Variants in DACH2 observed in about 807,000 individuals in gnomAD.
DACH2 encodes dachshund family transcription factor 2.
A neutral mutation model predicts 35.8 loss-of-function variants in DACH2; 17 were observed. The observed-to-expected ratio is 0.48, with a 90% CI of 0.33 to 0.71. The LOEUF is 0.71. DACH2 is among the 30% of genes least tolerant of loss of function. The pLI is 0.02. For missense variants in DACH2, 469 were observed against 472.7 expected, an observed-to-expected ratio of 0.99 and a Z score of 0.07; for synonymous variants, 195 against 177.3, an observed-to-expected ratio of 1.10 and a Z score of -0.79.
chrX:86,729,008 G>A (rs1291795118), intron 6 of DACH2, among the ~76,000 whole-genome samples: 1 of 112,194 alleles, frequency 8.9e-6, no homozygotes, highest in Admixed American at 9.4e-5. Flanking sequence ...CTATGAGAAA[G>A]GGGCTACGGG....
intron 7 of DACH2, among the ~76,000 whole-genome samples, chrX:86,759,333 T>C (rs1231483739): frequency 8.9e-6 from 1 of 111,826 alleles, no homozygotes; most frequent in Non-Finnish European, 1.9e-5. Context: ...TTAAACATGT[T>C]TGCTGAACTT....
chrX:86,762,205 C>G (rs1423327652), intron 7 of DACH2, among the ~76,000 whole-genome samples: 1 of 111,129 alleles, frequency 9.0e-6, no homozygotes, highest in African/African-American at 3.3e-5. Context: ...ACTGCAAATA[C>G]ATCGAAAGGG....
chrX:86,514,545 AT>A (rs1294184506), intron 3 of DACH2, among the ~76,000 whole-genome samples, 154 bp downstream of exon 3: 1 of 112,186 alleles, frequency 8.9e-6, no homozygotes, highest in African/African-American at 3.2e-5. Flanking sequence ...GTGAAAACAA[AT>A]TTTTTTACTT....
At chrX:86,161,154 T>C in intron 1 of DACH2, 4 of 1,147,464 alleles carry the variant, frequency 3.5e-6, no homozygotes, top group Non-Finnish European at 4.7e-6. Context: ...GATTTCCTCA[T>C]ATCTCTTCTG....
At chrX:86,195,249 C>T (rs1277390821) in intron 1 of DACH2, among the ~76,000 whole-genome samples, 1 of 112,063 alleles carries the variant, frequency 8.9e-6, no homozygotes, top group Non-Finnish European at 1.9e-5. Flanking sequence ...ACTGCCATTG[C>T]AAATGGAGCC....
chrX:86,580,825 T>A (rs774592146), intron 3 of DACH2, among the ~76,000 whole-genome samples: 1 of 111,874 alleles, frequency 8.9e-6, no homozygotes, highest in Non-Finnish European at 1.9e-5. Context: ...GAATATATCA[T>A]CCATAAAAAT....
intron 7 of DACH2, among the ~76,000 whole-genome samples, chrX:86,758,168 G>C (rs903334220): frequency 1.8e-5 from 2 of 110,934 alleles, no homozygotes; most frequent in Non-Finnish European, 3.8e-5. Context: ...GGTTAATGTA[G>C]CAAGTGGTTT....
intron 3 of DACH2, among the ~76,000 whole-genome samples, chrX:86,526,422 A>C (rs997183585): frequency 3.1e-4 from 35 of 111,819 alleles, no homozygotes; most frequent in African/African-American, 1.1e-3. Flanking sequence ...ACAGGAATTG[A>C]GTACTTTGAT....
At chrX:86,470,165 T>C (rs2037740771) in intron 2 of DACH2, among the ~76,000 whole-genome samples, 1 of 111,535 alleles carries the variant, frequency 9.0e-6, no homozygotes, top group Non-Finnish European at 1.9e-5. Flanking sequence ...CACGTGTAGG[T>C]CTGCATGGGG....
chrX:86,662,986 A>T (rs778740335), intron 4 of DACH2, among the ~76,000 whole-genome samples: 1 of 112,067 alleles, frequency 8.9e-6, no homozygotes, highest in South Asian at 3.7e-4. Flanking sequence ...TAGGATAAAC[A>T]TTTATCAAAA....
chrX:86,403,547 G>A (rs755389889), intron 2 of DACH2, among the ~76,000 whole-genome samples: 63 of 111,929 alleles, frequency 5.6e-4, no homozygotes, highest in African/African-American at 1.9e-3. Flanking sequence ...AACAGAAATA[G>A]ATGCTGGTCA....
intron 1 of DACH2, among the ~76,000 whole-genome samples, chrX:86,327,540 C>T (rs1307936962): frequency 2.7e-5 from 3 of 111,692 alleles, no homozygotes; most frequent in Non-Finnish European, 5.7e-5. Flanking sequence ...GGATTATTTT[C>T]CCCCTGTCCC....
chrX:86,628,816 T>G (rs1023747414), intron 3 of DACH2, among the ~76,000 whole-genome samples: 1 of 111,807 alleles, frequency 8.9e-6, no homozygotes, highest in African/African-American at 3.2e-5. Flanking sequence ...GACTGGCTAC[T>G]GAAAAGCCAC....
At chrX:86,264,391 T>C (rs949659594) in intron 1 of DACH2, among the ~76,000 whole-genome samples, 22 of 112,060 alleles carry the variant, frequency 2.0e-4, no homozygotes, top group Non-Finnish European at 4.1e-4. Context: ...TGCATACACT[T>C]ATTGTGCGAA....
At chrX:86,472,832 A>G (rs780795589) in intron 2 of DACH2, among the ~76,000 whole-genome samples, 1 of 112,109 alleles carries the variant, frequency 8.9e-6, no homozygotes, top group African/African-American at 3.2e-5. Context: ...CATTTGACAC[A>G]TTAAATATCG....
chrX:86,205,353 A>G (rs1897062504), intron 1 of DACH2, among the ~76,000 whole-genome samples: 1 of 108,339 alleles, frequency 9.2e-6, no homozygotes. Context: ...TTATTTTCAA[A>G]TAAGCCTGAG....
At chrX:86,550,039 G>A (rs1482354706) in intron 3 of DACH2, among the ~76,000 whole-genome samples, 1 of 111,240 alleles carries the variant, frequency 9.0e-6, no homozygotes, top group African/African-American at 3.3e-5. Context: ...AAAGATAATT[G>A]CAGTAATCTC....
chrX:86,340,171 T>C (rs1332800968), intron 1 of DACH2, among the ~76,000 whole-genome samples: 1 of 111,859 alleles, frequency 8.9e-6, no homozygotes, highest in Non-Finnish European at 1.9e-5. Context: ...CCTTACTTTA[T>C]TGCACTTAGT....
intron 1 of DACH2, among the ~76,000 whole-genome samples, chrX:86,149,330 G>T (rs1164627259): frequency 1.8e-5 from 2 of 112,061 alleles, no homozygotes; most frequent in Non-Finnish European, 3.8e-5. Context: ...AAAAAGTCCC[G>T]CAAACTTGAG....
Sources: allele counts gnomAD v4.1 joint callset (sites outside exome capture counted in the v4.1 genomes callset), GRCh38; gene constraint gnomAD v4.1.1; transcripts MANE v1.5; gene names NCBI Gene and HGNC (gene_info 2026-07-23, HGNC 2026-07-21).